The following PBX1 variants were observed in gnomAD, a reference collection of about 807,000 sequenced individuals.
PBX1 encodes pre-B-cell leukemia transcription factor 1.
PBX1 carries 6 observed loss-of-function variants against 53.4 expected under a neutral mutation model. That is an observed-to-expected ratio of 0.11 (90% CI 0.06 to 0.22). The LOEUF (loss-of-function observed/expected upper bound fraction) is 0.22. Among genes scored for constraint, PBX1 ranks in the 10% least tolerant of loss-of-function variants. PBX1 has a pLI of 1.00. For missense variants in PBX1, 251 were observed against 551.4 expected (o/e 0.46, Z 5.46); for synonymous variants, 204 against 212.3 (o/e 0.96, Z 0.34).
chr1:164,772,520 C>G (rs927932052), intron 2 of PBX1, among the ~76,000 whole-genome samples: 1 of 152,218 alleles, frequency 6.6e-6, no homozygotes, highest in South Asian at 2.1e-4. Context: ...TAACACACTC[C>G]AGTGCAGAGA....
chr1:164,581,155 C>T (rs926628026), intron 2 of PBX1, among the ~76,000 whole-genome samples: 3 of 152,038 alleles, frequency 2.0e-5, no homozygotes, highest in Non-Finnish European at 4.4e-5. Flanking sequence ...CATGGTGAGA[C>T]CCAAAAGTCT....
intron 8 of PBX1, among the ~76,000 whole-genome samples, chr1:164,842,427 A>T (rs900475100): frequency 4.6e-5 from 7 of 152,190 alleles, no homozygotes; most frequent in Non-Finnish European, 8.8e-5. Flanking sequence ...TTTAGGATAG[A>T]CCATAGAGTA....
At chr1:164,694,901 C>G (rs540605348) in intron 2 of PBX1, among the ~76,000 whole-genome samples, 2 of 152,274 alleles carry the variant, frequency 1.3e-5, no homozygotes, top group Non-Finnish European at 2.9e-5. Flanking sequence ...CAGTATTGAC[C>G]TCTTGACTGG....
In PBX1 at chr1:164,819,822, A is replaced by G. The variant is rs1014301309; in HGVS notation, c.998-250A>G. Reference sequence around the variant, plus strand: ...ATAAAGGTTCCCTTTCTTGGCTTGAAGTTGCCAAGGGGAAGCAGTTCTATT... The same window carrying G: ...ATAAAGGTTCCCTTTCTTGGCTTGAGGTTGCCAAGGGGAAGCAGTTCTATT... On this transcript the variant is annotated intron_variant, in intron 6 of 8. Transcript: ENST00000420696. 31 of 379,594 alleles carry G rather than the reference A, an allele frequency of 8.2e-5. No homozygotes were observed. The Admixed American group carries it at 1.2e-3, about 15-fold the overall frequency. 23.5% of individuals were successfully genotyped at this position (379,594 alleles called of 1,614,324 possible).
At chr1:164,688,263 T>TA (rs1167245063) in intron 2 of PBX1, among the ~76,000 whole-genome samples, 1 of 152,188 alleles carries the variant, frequency 6.6e-6, no homozygotes, top group Non-Finnish European at 1.5e-5. Context: ...TTCACGTTAT[T>TA]AAAAAACATT....
At chr1:164,870,598 C>T (rs1672359723) in intron 2 of PBX1, among the ~76,000 whole-genome samples, 2 of 152,036 alleles carry the variant, frequency 1.3e-5, no homozygotes, top group African/African-American at 4.8e-5. Context: ...CCCGCCTTGG[C>T]CTCCCAAAGT....
intron 2 of PBX1, among the ~76,000 whole-genome samples, chr1:164,673,465 CTTTTTTTTTT>C (rs1171916726): frequency 4.6e-5 from 5 of 109,406 alleles, no homozygotes; most frequent in Non-Finnish European, 7.0e-5. Flanking sequence ...AAATTACTAA[CTTTTTTTTTT>C]TTTTTTTTTT....
chr1:164,859,967 G>T (rs1225979182), intron 2 of PBX1, among the ~76,000 whole-genome samples: 2 of 152,244 alleles, frequency 1.3e-5, no homozygotes, highest in Admixed American at 1.3e-4. Context: ...TATGGGAACA[G>T]ATGTAGATTA....
rs1042289414 is a variant in PBX1 at position 164,672,213 on chromosome 1, C to T, written c.265+108902C>T. ...GGTGTAAACACACCAGAGAGGGCCA[C>T]TGCATGTGTTTATTGTTGTACTTTT... is the stretch of plus-strand genomic sequence containing the variant. On this transcript the variant is annotated intron_variant, in intron 2 of 8. Coordinates refer to ENST00000420696, the MANE Select transcript of PBX1 (RefSeq NM_002585.4). 9.2e-5 allele frequency among the ~76,000 whole-genome samples: 14 copies of T among 151,992 alleles called. 1 individual carries two copies. The highest frequency in any genetic ancestry group is 1.3e-4 in the Admixed American group (2 of 15,266).
rs540876404 is a variant in PBX1, at chr1:164,690,164, G to A, written c.266-102330G>A. On this transcript the variant is annotated intron_variant, in intron 2 of 8. Coordinates refer to ENST00000420696, the MANE Select transcript of PBX1 (RefSeq NM_002585.4). ...TCCTCGGCCTCCCCTCTGTGCTCTCGCTCTCCAGTGTCTGGAGGCCGCAGA... is the reference window on the plus strand; with the variant it reads ...TCCTCGGCCTCCCCTCTGTGCTCTCACTCTCCAGTGTCTGGAGGCCGCAGA... Among the ~76,000 whole-genome samples the A allele has an allele frequency of 4.6e-5, 7 of 152,130 alleles. No individual in the cohort carries two copies. In the South Asian group the frequency reaches 8.3e-4, roughly 18 times the overall value.
chr1:164,862,387 C>T (rs555034052), intron 2 of PBX1, among the ~76,000 whole-genome samples: 48 of 152,344 alleles, frequency 3.2e-4, no homozygotes, highest in African/African-American at 1.2e-3. Flanking sequence ...ATTTATCCCT[C>T]TCTTGTAGCA....
intron 2 of PBX1, among the ~76,000 whole-genome samples, chr1:164,614,986 G>C (rs1657175032): frequency 6.6e-6 from 1 of 152,076 alleles, no homozygotes; most frequent in Non-Finnish European, 1.5e-5. Context: ...TGTTGACCAG[G>C]CTGGTCTTGA....
At chr1:164,785,473 T>C (rs1028128715) in intron 2 of PBX1, among the ~76,000 whole-genome samples, 1 of 152,180 alleles carries the variant, frequency 6.6e-6, no homozygotes, top group Admixed American at 6.5e-5. Flanking sequence ...ATTGTGCTTA[T>C]AGGAAGTAAA....
chr1:164,809,299 A>G lies in PBX1; in HGVS notation c.837+1622A>G, dbSNP rs546314711. Among the ~76,000 whole-genome samples the G allele has an allele frequency of 5.9e-5, 9 of 152,254 alleles. No individual in the cohort carries two copies. The South Asian group carries it at 1.9e-3, about 32-fold the overall frequency. ...TCCCGCAACCTTCACTTCCTTCATT[A>G]TGGAAACTCAAGGTACAAATAGTGT... On this transcript the variant is annotated intron_variant, in intron 5 of 8. Coordinates refer to ENST00000420696, the MANE Select transcript of PBX1 (RefSeq NM_002585.4).
At chr1:164,703,937 C>T (rs1016911297) in intron 2 of PBX1, among the ~76,000 whole-genome samples, 1 of 152,066 alleles carries the variant, frequency 6.6e-6, no homozygotes, top group Non-Finnish European at 1.5e-5. Context: ...TTTAACCAGC[C>T]CTGAATTGCA....
intron 2 of PBX1, among the ~76,000 whole-genome samples, chr1:164,667,040 G>C (rs962194621): frequency 1.3e-5 from 2 of 151,786 alleles, no homozygotes; most frequent in Non-Finnish European, 2.9e-5. Flanking sequence ...TAAGAATAGA[G>C]CCTGACATCG....
At chr1:164,755,047 T>C (rs1161234262) in intron 2 of PBX1, among the ~76,000 whole-genome samples, 3 of 152,224 alleles carry the variant, frequency 2.0e-5, no homozygotes, top group Admixed American at 2.0e-4. Flanking sequence ...TCCTCTCTCC[T>C]TGGACCTTTG....
chr1:164,717,986 A>T (rs1249603500), intron 2 of PBX1, among the ~76,000 whole-genome samples: 1 of 152,220 alleles, frequency 6.6e-6, no homozygotes, highest in African/African-American at 2.4e-5. Context: ...TTTAATTCTC[A>T]AAAAGAATAT....
chr1:164,632,972 G>C (rs1293498113), intron 2 of PBX1, among the ~76,000 whole-genome samples: 2 of 152,152 alleles, frequency 1.3e-5, no homozygotes, highest in Admixed American at 1.3e-4. Flanking sequence ...TTGTTTTATA[G>C]ATAAGAAAAC....
Sources: gnomAD v4.1 joint callset for allele counts (sites outside exome capture counted in the v4.1 genomes callset) on GRCh38, gnomAD v4.1.1 for gene constraint, MANE v1.5 for transcripts, NCBI Gene and HGNC (gene_info 2026-07-23, HGNC 2026-07-21) for gene names.